PTPRC: variants seen among roughly 807,000 people sequenced by gnomAD.
The protein encoded by PTPRC is protein tyrosine phosphatase receptor type C, also known as receptor-type tyrosine-protein phosphatase C.
Under a neutral mutation model 155.9 loss-of-function variants are expected in PTPRC, and 44 were observed. The ratio of observed to expected loss-of-function variants is 0.28; its 90% CI spans 0.22 to 0.36. The LOEUF is 0.36. PTPRC is among the 10% of genes least tolerant of loss of function. PTPRC has a pLI of 1.00. For synonymous variants in PTPRC, 525 were observed against 533.1 expected (o/e 0.98, Z 0.21); for missense variants, 1,401 against 1,564.6 (o/e 0.90, Z 1.76).
Position 198,713,200 on chromosome 1 carries a change from C to T in PTPRC, c.1291+128C>T, listed in dbSNP as rs546588582. 1.2e-5 allele frequency: 16 copies of T among 1,320,032 alleles called. No individual in the cohort carries two copies. In the East Asian group the frequency reaches 1.6e-4, roughly 13 times the overall value. The allele number at this position is 1,320,032 out of a possible 1,614,324, so 81.8% of individuals were successfully genotyped here. A position where few individuals can be genotyped will look rare whatever the true frequency, so the allele number is the denominator to read the frequency against. On this transcript the variant is annotated intron_variant, in intron 12 of 32. Transcript: ENST00000442510. ...AGACTGCATAGGCATAGTATACTCC[C>T]TGATCTTAGAATTGCTTCCACTCAT...
At position 198,742,293 on chromosome 1, in the gene PTPRC, G is replaced by A; in HGVS notation, c.2623G>A (p.Ala875Thr). 6.2e-7 allele frequency: 1 copy of A among 1,612,422 alleles called. No individual in the cohort carries two copies. Among genetic ancestry groups the A allele is most frequent in the South Asian group, 1.1e-5 (1 of 91,068 alleles). The change falls in exon 25 of 33, where the codon GCC (alanine) becomes ACC (threonine). Residue 875 changes from alanine (A) to threonine (T), a missense_variant. Ala to Thr is a moderately conservative substitution (Grantham distance 58, BLOSUM62 0). Coordinates refer to ENST00000442510, the MANE Select transcript of PTPRC (RefSeq NM_002838.5). ...GIDAMLEGLE[A>T]ENKVDVYGYV... Reference sequence around the variant, plus strand: ...TGATGCCATGCTAGAAGGCCTGGAAGCCGAGAACAAAGTGGATGTTTATGG... The same window carrying A: ...TGATGCCATGCTAGAAGGCCTGGAAACCGAGAACAAAGTGGATGTTTATGG...
chr1:198,750,108 G>C (rs888851719), intron 28 of PTPRC, among the ~76,000 whole-genome samples: 2 of 151,662 alleles, frequency 1.3e-5, no homozygotes, highest in Admixed American at 1.3e-4. Flanking sequence ...AGTTTAATTA[G>C]GAAATATAAT....
intron 25 of PTPRC, among the ~76,000 whole-genome samples, chr1:198,743,542 A>C (rs1349352214): frequency 6.6e-6 from 1 of 151,850 alleles, no homozygotes; most frequent in African/African-American, 2.4e-5. Flanking sequence ...ATAAGCAGTA[A>C]AGAGTAGTTA....
chr1:198,668,242 C>T (rs574976421), intron 2 of PTPRC, among the ~76,000 whole-genome samples: 2 of 152,164 alleles, frequency 1.3e-5, no homozygotes, highest in South Asian at 4.2e-4. Flanking sequence ...GACAGGGTCT[C>T]ACTATATTCC....
chr1:198,695,676 A>G (rs1370714027), intron 3 of PTPRC, among the ~76,000 whole-genome samples: 2 of 152,134 alleles, frequency 1.3e-5, no homozygotes, highest in Middle Eastern at 3.4e-3. Context: ...TTTGTCACAT[A>G]TTTTCCTCTT....
chr1:198,692,301 A>T (rs1412711178), intron 2 of PTPRC, 46 bp from the exon 3 acceptor site: 5 of 1,410,444 alleles, frequency 3.5e-6, no homozygotes, highest in Non-Finnish European at 4.8e-6. Context: ...CATTAATATG[A>T]ATGAAATTTG....
At chr1:198,725,297 T>C (rs192661437) in intron 15 of PTPRC, among the ~76,000 whole-genome samples, 2 of 152,322 alleles carry the variant, frequency 1.3e-5, no homozygotes, top group Non-Finnish European at 2.9e-5. Context: ...TTGGTTCTTA[T>C]TGGTAGTCTA....
chr1:198,745,250 G>C (rs1655087151), intron 26 of PTPRC, among the ~76,000 whole-genome samples: 1 of 151,800 alleles, frequency 6.6e-6, no homozygotes, highest in Non-Finnish European at 1.5e-5. Flanking sequence ...AGGCACAAGA[G>C]TCAAAATGAT....
At chr1:198,753,043 A>C (rs558522071) in intron 31 of PTPRC, among the ~76,000 whole-genome samples, 1 of 152,044 alleles carries the variant, frequency 6.6e-6, no homozygotes, top group Admixed American at 6.6e-5. Context: ...ACATTGAGCC[A>C]GGAATGTCAT....
At chr1:198,669,480 T>C (rs1170872139) in intron 2 of PTPRC, among the ~76,000 whole-genome samples, 1 of 152,218 alleles carries the variant, frequency 6.6e-6, no homozygotes, top group Non-Finnish European at 1.5e-5. Flanking sequence ...AAAAATGTAT[T>C]ATTAGATTTA....
At chr1:198,666,739 C>G (rs1664333373) in intron 2 of PTPRC, among the ~76,000 whole-genome samples, 1 of 152,050 alleles carries the variant, frequency 6.6e-6, no homozygotes, top group African/African-American at 2.4e-5. Context: ...ATATTTCCAC[C>G]AATAATATAT....
chr1:198,685,008 T>G (rs747584671), intron 2 of PTPRC, among the ~76,000 whole-genome samples: 1 of 152,040 alleles, frequency 6.6e-6, no homozygotes, highest in African/African-American at 2.4e-5. Context: ...TTAACTAGAT[T>G]GAATGAAATC....
In PTPRC at chr1:198,721,074, G is replaced by A. The variant is rs1201229828; in HGVS notation, c.1660-1342G>A. Among the ~76,000 whole-genome samples the A allele has an allele frequency of 3.9e-5, 6 of 152,238 alleles. No individual in the cohort carries two copies. The East Asian group carries it at 9.6e-4, about 24-fold the overall frequency. On this transcript the variant is annotated intron_variant, in intron 14 of 32. Coordinates refer to ENST00000442510, the MANE Select transcript of PTPRC (RefSeq NM_002838.5). ...AAATACAACCTTAACGTTCAAAGTA[G>A]GAGATAATTATTCAGTTTCGAATTC... is the stretch of plus-strand genomic sequence containing the variant.
At chr1:198,650,709 G>A (rs1007087291) in intron 2 of PTPRC, among the ~76,000 whole-genome samples, 7 of 151,928 alleles carry the variant, frequency 4.6e-5, no homozygotes, top group African/African-American at 1.4e-4. Context: ...TTCAGATGGA[G>A]CTTAAAGCTA....
At chr1:198,672,128 T>G (rs1664683688) in intron 2 of PTPRC, among the ~76,000 whole-genome samples, 1 of 152,224 alleles carries the variant, frequency 6.6e-6, no homozygotes, top group South Asian at 2.1e-4. Flanking sequence ...ACATTCCCTT[T>G]GATAGTGCTG....
chr1:198,713,138 T>A (rs1417294188), intron 12 of PTPRC, 66 bp downstream of exon 12: 1 of 1,605,550 alleles, frequency 6.2e-7, no homozygotes, highest in African/African-American at 1.3e-5. Context: ...ACTAGAAATT[T>A]TTATTGAGCC....
intron 2 of PTPRC, among the ~76,000 whole-genome samples, chr1:198,658,238 A>C (rs576050917): frequency 4.0e-4 from 61 of 152,292 alleles, no homozygotes; most frequent in Middle Eastern, 3.4e-3. Context: ...TAATAATGAT[A>C]CACATGAACT....
intron 23 of PTPRC, among the ~76,000 whole-genome samples, chr1:198,736,676 C>T (rs545855672): frequency 6.6e-6 from 1 of 151,724 alleles, no homozygotes; most frequent in South Asian, 2.1e-4. Flanking sequence ...CTTCAATCTA[C>T]TGTTTCCTTT....
At chr1:198,722,002 A>G (rs1369178961) in intron 14 of PTPRC, among the ~76,000 whole-genome samples, 1 of 151,242 alleles carries the variant, frequency 6.6e-6, no homozygotes, top group Non-Finnish European at 1.5e-5. Context: ...TTTGCCCTTA[A>G]AAAAATGTAT....
Sources: allele counts gnomAD v4.1 joint callset (sites outside exome capture counted in the v4.1 genomes callset), GRCh38; gene constraint gnomAD v4.1.1; transcripts MANE v1.5; gene names NCBI Gene and HGNC (gene_info 2026-07-23, HGNC 2026-07-21).